Variants in MYT1L observed in about 807,000 individuals in gnomAD.
MYT1L encodes myelin transcription factor 1 like.
MYT1L carries 12 observed loss-of-function variants against 126.7 expected under a neutral mutation model. The observed-to-expected ratio is 0.09, with a 90% CI of 0.06 to 0.15. The LOEUF is 0.15. MYT1L is among the 10% of genes least tolerant of loss of function. MYT1L has a pLI of 1.00. For synonymous variants in MYT1L, 541 were observed against 604.2 expected, an observed-to-expected ratio of 0.90 and a Z score of 1.53; for missense variants, 979 against 1,585.2, an observed-to-expected ratio of 0.62 and a Z score of 6.49.
chr2:2,294,978 T>A (rs987106242), intron 1 of MYT1L, among the ~76,000 whole-genome samples: 1 of 152,100 alleles, frequency 6.6e-6, no homozygotes, highest in Non-Finnish European at 1.5e-5. Flanking sequence ...GGTGGTGATC[T>A]CCCCTTCAAT....
intron 2 of MYT1L, among the ~76,000 whole-genome samples, chr2:2,226,412 G>C (rs1345006578): frequency 2.0e-5 from 3 of 152,180 alleles, no homozygotes; most frequent in Non-Finnish European, 2.9e-5. Flanking sequence ...TCATTGAAGT[G>C]TTTGTCTTAT....
chr2:1,887,885 C>G lies in MYT1L; in HGVS notation c.2521-276G>C, dbSNP rs561351464. Reference sequence around the variant, plus strand: ...CTCATCACATGGACACACACACGGTCTGGTAGCCAGAGACTACATTTAACT... The same window carrying G: ...CTCATCACATGGACACACACACGGTGTGGTAGCCAGAGACTACATTTAACT... On this transcript the variant is annotated intron_variant, in intron 16 of 24. Transcript: ENST00000647738. This position sits in a 1 kb window ranked among gnomAD's most constrained non-coding sequence, Gnocchi z 4.8. Among the ~76,000 whole-genome samples the G allele has an allele frequency of 6.6e-6, 1 of 152,324 alleles. No homozygotes were observed. Among genetic ancestry groups the G allele is most frequent in the South Asian group, 2.1e-4 (1 of 4,830 alleles).
intron 9 of MYT1L, among the ~76,000 whole-genome samples, chr2:1,931,561 C>T (rs2054990733): frequency 6.6e-6 from 1 of 152,058 alleles, no homozygotes; most frequent in South Asian, 2.1e-4. Context: ...TCTGTGTGGT[C>T]GCTTCTTTGT....
intron 3 of MYT1L, among the ~76,000 whole-genome samples, chr2:2,060,359 A>G (rs182363375): frequency 7.9e-5 from 12 of 152,344 alleles, no homozygotes; most frequent in Admixed American, 2.0e-4. Context: ...ATGATATATG[A>G]AAAAGATTTT....
chr2:2,306,695 G>T (rs2095863895), intron 1 of MYT1L, among the ~76,000 whole-genome samples: 1 of 152,146 alleles, frequency 6.6e-6, no homozygotes, highest in Non-Finnish European at 1.5e-5. Context: ...TCCCTCAAAT[G>T]ATGGTGCTCT....
At chr2:2,140,772 T>C (rs1233536944) in intron 3 of MYT1L, among the ~76,000 whole-genome samples, 1 of 152,148 alleles carries the variant, frequency 6.6e-6, no homozygotes. Flanking sequence ...TTTCACTATA[T>C]TGGCCAGTTT....
At chr2:2,114,843 C>T (rs1180206419) in intron 3 of MYT1L, among the ~76,000 whole-genome samples, 1 of 152,184 alleles carries the variant, frequency 6.6e-6, no homozygotes, top group Non-Finnish European at 1.5e-5. Context: ...TTCAGGTTTC[C>T]GTCATCACGT....
chr2:2,200,151 G>C (rs1055560383), intron 2 of MYT1L, among the ~76,000 whole-genome samples: 1 of 152,112 alleles, frequency 6.6e-6, no homozygotes, highest in Non-Finnish European at 1.5e-5. Context: ...GGTGTAGGCT[G>C]CTCGAGAGGT....
intron 3 of MYT1L, among the ~76,000 whole-genome samples, chr2:2,085,266 T>C (rs890575310): frequency 3.3e-5 from 5 of 152,190 alleles, no homozygotes; most frequent in African/African-American, 1.2e-4. Flanking sequence ...GCTCTGGCTG[T>C]GTGACTCCCC....
intron 8 of MYT1L, among the ~76,000 whole-genome samples, chr2:1,978,521 A>G (rs2060350355): frequency 6.6e-6 from 1 of 152,204 alleles, no homozygotes; most frequent in Non-Finnish European, 1.5e-5. Flanking sequence ...GCCATGACAC[A>G]TTTTGAGCAA....
intron 2 of MYT1L, among the ~76,000 whole-genome samples, chr2:2,270,494 G>C (rs1446015745): frequency 1.3e-5 from 2 of 152,128 alleles, no homozygotes; most frequent in Admixed American, 6.5e-5. Context: ...AGAAGGGAAT[G>C]ATCTGTCACT....
At chr2:2,265,562 C>T (rs922885865) in intron 2 of MYT1L, among the ~76,000 whole-genome samples, 14 of 152,064 alleles carry the variant, frequency 9.2e-5, no homozygotes, top group Non-Finnish European at 1.5e-4. Context: ...GCCTTCCTCC[C>T]GAGTCTAATT....
At position 1,979,741 on chromosome 2, in the gene MYT1L, G is replaced by T. The variant is rs777265550; in HGVS notation, c.37C>A (p.Arg13=). ...VDTEEKRHRT[R]SKGVRVPVEP... The stretch of plus-strand genomic sequence containing the variant: ...GACATACCTCGAACCCCTTTGGACC[G>T]CGTGCGATGCCGCTTCTCCTCGGTG... Residue 13 remains arginine (R), a synonymous_variant, in exon 6 of 25, where the codon CGG becomes AGG. Transcript: ENST00000647738. This position sits in a 1 kb window ranked among gnomAD's most constrained non-coding sequence, Gnocchi z 4.0. 3.7e-6 allele frequency: 6 copies of T among 1,613,974 alleles called. No homozygotes were observed. The Admixed American group carries it at 5.0e-5, about 13-fold the overall frequency.
At chr2:2,152,908 T>C (rs2086050031) in intron 3 of MYT1L, among the ~76,000 whole-genome samples, 1 of 152,142 alleles carries the variant, frequency 6.6e-6, no homozygotes, top group South Asian at 2.1e-4. Context: ...TGGGAAATGA[T>C]TTCAGAAGCA....
At chr2:2,060,658 C>T (rs2070296873) in intron 3 of MYT1L, among the ~76,000 whole-genome samples, 2 of 148,722 alleles carry the variant, frequency 1.3e-5, no homozygotes, top group Non-Finnish European at 3.0e-5. Flanking sequence ...TGTCTCTCTC[C>T]CTGTCTCCCT....
At position 1,815,506 on chromosome 2, in the gene MYT1L, G is replaced by A. The variant is rs566198858; in HGVS notation, c.3081-6339C>T. The stretch of plus-strand genomic sequence containing the variant: ...TCACGGTTCCTGCCTGGGAAACCAC[G>A]GGCCCTAGAGGGATGTCTGTTGCGT... On this transcript the variant is annotated intron_variant, in intron 21 of 24. Transcript: ENST00000647738. Among the ~76,000 whole-genome samples the A allele has an allele frequency of 1.7e-4, 26 of 152,320 alleles. No homozygotes were observed. In the East Asian group the frequency reaches 3.1e-3, roughly 18 times the overall value.
chr2:2,022,379 C>G (rs1040666167), intron 4 of MYT1L, among the ~76,000 whole-genome samples: 1 of 152,158 alleles, frequency 6.6e-6, no homozygotes, highest in Non-Finnish European at 1.5e-5. Flanking sequence ...AATTTAAATG[C>G]CCTTATTTTA....
At chr2:2,025,971 T>C (rs1278528416) in intron 4 of MYT1L, among the ~76,000 whole-genome samples, 1 of 152,076 alleles carries the variant, frequency 6.6e-6, no homozygotes, top group Non-Finnish European at 1.5e-5. Flanking sequence ...AAACCAAACA[T>C]CCAGTGCCAA....
intron 1 of MYT1L, among the ~76,000 whole-genome samples, chr2:2,307,313 G>T (rs2095871535): frequency 6.6e-6 from 1 of 152,118 alleles, no homozygotes; most frequent in Non-Finnish European, 1.5e-5. Context: ...ACAGAATATA[G>T]AATTCATTTA....
Sources: allele counts gnomAD v4.1 joint callset (sites outside exome capture counted in the v4.1 genomes callset), GRCh38; gene constraint gnomAD v4.1.1; non-coding constraint Gnocchi (gnomAD v3.1); transcripts MANE v1.5; gene names NCBI Gene and HGNC (gene_info 2026-07-23, HGNC 2026-07-21).